The following PITPNB variants were observed in gnomAD, a reference collection of about 807,000 sequenced individuals.
PITPNB encodes the protein phosphatidylinositol transfer protein beta isoform.
PITPNB carries 16 observed loss-of-function variants against 45.9 expected under a neutral mutation model. The ratio of observed to expected loss-of-function variants is 0.35; its 90% CI spans 0.24 to 0.53. The LOEUF (loss-of-function observed/expected upper bound fraction) is 0.53. Ranked by LOEUF, PITPNB falls within the 20% of genes least tolerant of loss-of-function variation. PITPNB has a pLI of 0.93. For missense variants in PITPNB, 188 were observed against 330.5 expected, an observed-to-expected ratio of 0.57 and a Z score of 3.34; for synonymous variants, 112 against 108.9, an observed-to-expected ratio of 1.03 and a Z score of -0.18.
intron 3 of PITPNB, among the ~76,000 whole-genome samples, chr22:27,905,005 A>T (rs1023314991): frequency 3.9e-5 from 6 of 152,278 alleles, no homozygotes; most frequent in Non-Finnish European, 8.8e-5. Flanking sequence ...TATTTTTCAG[A>T]AACAGGATCA....
At chr22:27,894,361 C>T (rs16985690) in intron 7 of PITPNB, 194 bp downstream of exon 7, 10,772 of 401,138 alleles carry the variant, frequency 0.027, 168 homozygotes, top group East Asian at 0.033. Context: ...GAAAACAAAT[C>T]GCCTTCTCTC....
At chr22:27,854,330 TAAAAC>T (rs1436194219) in intron 11 of PITPNB, among the ~76,000 whole-genome samples, 1 of 152,108 alleles carries the variant, frequency 6.6e-6, no homozygotes, top group Non-Finnish European at 1.5e-5. Flanking sequence ...CACCATAAAT[TAAAAC>T]TAAAGTGCAT....
chr22:27,880,696 CACT>C (rs1349310920), intron 7 of PITPNB, among the ~76,000 whole-genome samples: 1 of 151,952 alleles, frequency 6.6e-6, no homozygotes, highest in Non-Finnish European at 1.5e-5. Context: ...GATCTCGGCT[CACT>C]ACAACCTCCG....
At chr22:27,912,891 G>C (rs1208019391) in intron 2 of PITPNB, among the ~76,000 whole-genome samples, 3 of 148,914 alleles carry the variant, frequency 2.0e-5, no homozygotes, top group Non-Finnish European at 4.4e-5. Flanking sequence ...CTGAGGCACG[G>C]AGAATTGCTT....
At chr22:27,881,217 T>C (rs1451417661) in intron 7 of PITPNB, among the ~76,000 whole-genome samples, 1 of 152,168 alleles carries the variant, frequency 6.6e-6, no homozygotes, top group Admixed American at 6.5e-5. Context: ...TGTTTCACAG[T>C]AAAGGCAAGA....
Position 27,910,895 on chromosome 22 carries a change from A to C in PITPNB, c.197+69T>G, listed in dbSNP as rs1041632664. On this transcript the variant is annotated intron_variant, in intron 3 of 11. Coordinates refer to ENST00000335272, the MANE Select transcript of PITPNB (RefSeq NM_012399.5). ...AAATGTACTTCACATCTACTAGTTA[A>C]GTTAGCTAGTTACATGCATCATAAG... 1.3e-5 allele frequency: 14 copies of C among 1,080,966 alleles called. No homozygotes were observed. The Admixed American group carries it at 2.0e-4, about 15-fold the overall frequency. 67.0% of individuals were successfully genotyped at this position (1,080,966 alleles called of 1,614,324 possible).
At chr22:27,910,765 T>G in intron 3 of PITPNB, 199 bp downstream of exon 3, 1 of 481,698 alleles carries the variant, frequency 2.1e-6, no homozygotes, top group Non-Finnish European at 3.7e-6. Context: ...TAAGTTTTTA[T>G]CTGAATTTTT....
At chr22:27,912,634 T>A (rs555152259) in intron 2 of PITPNB, among the ~76,000 whole-genome samples, 1 of 142,060 alleles carries the variant, frequency 7.0e-6, no homozygotes, top group Non-Finnish European at 1.6e-5. Flanking sequence ...TTTTTAAGAA[T>A]AAAAAATTAA....
At chr22:27,909,579 CTA>C (rs1461257654) in intron 3 of PITPNB, among the ~76,000 whole-genome samples, 1 of 152,050 alleles carries the variant, frequency 6.6e-6, no homozygotes, top group Non-Finnish European at 1.5e-5. Context: ...TAACAAGAGA[CTA>C]TCTTTTGTCT....
At position 27,918,832 on chromosome 22, in the gene PITPNB, T is replaced by G. The variant is rs965615785; in HGVS notation, c.20+340A>C. On this transcript the variant is annotated intron_variant, in intron 1 of 11. Coordinates refer to ENST00000335272, the MANE Select transcript of PITPNB (RefSeq NM_012399.5). The stretch of plus-strand genomic sequence containing the variant: ...TGCGGCTCCTTCCCACCGGCGGGCC[T>G]GGGGGTGGGCCCAGACCCAGCCTGG... 9.9e-5 allele frequency among the ~76,000 whole-genome samples: 15 copies of G among 151,504 alleles called. No homozygotes were observed. In the South Asian group the frequency reaches 1.1e-3, roughly 11 times the overall value.
At chr22:27,868,093 C>T (rs5752651) in intron 8 of PITPNB, among the ~76,000 whole-genome samples, 16,346 of 152,116 alleles carry the variant, frequency 0.11, 979 homozygotes, top group South Asian at 0.25. Flanking sequence ...CCTCTTTATG[C>T]CACCCACTAT....
At chr22:27,867,541 T>C (rs1372136626) in intron 8 of PITPNB, among the ~76,000 whole-genome samples, 1 of 152,240 alleles carries the variant, frequency 6.6e-6, no homozygotes, top group Admixed American at 6.5e-5. Flanking sequence ...ACATTTTCCA[T>C]GTTCCTCCAA....
intron 7 of PITPNB, among the ~76,000 whole-genome samples, chr22:27,880,814 G>A (rs904795913): frequency 2.6e-5 from 4 of 152,154 alleles, no homozygotes; most frequent in African/African-American, 4.8e-5. Context: ...TAGAGAGGGG[G>A]TTTCTCCATG....
intron 5 of PITPNB, 58 bp from the exon 6 acceptor site, chr22:27,896,684 C>A (rs181509646): frequency 3.5e-6 from 4 of 1,147,688 alleles, no homozygotes; most frequent in South Asian, 2.5e-5. Flanking sequence ...TTGGTGCCCA[C>A]GTCTGAGGGA....
At position 27,914,708 on chromosome 22, in the gene PITPNB, T is replaced by C. The variant is rs151061462; in HGVS notation, c.21-361A>G. ...CAGGTTGCCCTGACTAAATTTTTAG[T>C]ATGGTTTCATTCTCCACCTATATAC... On this transcript the variant is annotated intron_variant, in intron 1 of 11. Transcript: ENST00000335272. 2.1e-3 allele frequency among the ~76,000 whole-genome samples: 313 copies of C among 152,348 alleles called. 1 individual carries two copies. The highest frequency in any genetic ancestry group is 3.7e-3 in the Admixed American group (56 of 15,308).
chr22:27,877,442 T>C (rs1934851593), intron 7 of PITPNB, among the ~76,000 whole-genome samples: 1 of 152,184 alleles, frequency 6.6e-6, no homozygotes, highest in African/African-American at 2.4e-5. Context: ...AAATATAATA[T>C]GGTAAATAAA....
intron 8 of PITPNB, among the ~76,000 whole-genome samples, chr22:27,861,028 A>G (rs1316423015): frequency 3.6e-5 from 5 of 139,152 alleles, no homozygotes; most frequent in African/African-American, 1.1e-4. Context: ...TTTCTGGAAA[A>G]AAAAAAAAAA....
At chr22:27,916,560 C>CACT (rs759129733) in intron 1 of PITPNB, among the ~76,000 whole-genome samples, 45 of 152,112 alleles carry the variant, frequency 3.0e-4, no homozygotes, top group Non-Finnish European at 5.4e-4. Flanking sequence ...ACCTGTAATC[C>CACT]CAGCACTTAG....
At chr22:27,888,350 G>C (rs1409650947) in intron 7 of PITPNB, among the ~76,000 whole-genome samples, 1 of 152,218 alleles carries the variant, frequency 6.6e-6, no homozygotes, top group East Asian at 1.9e-4. Context: ...CCTAGAAGCA[G>C]AATTTTGCTG....
Sources: allele counts gnomAD v4.1 joint callset (sites outside exome capture counted in the v4.1 genomes callset), GRCh38; gene constraint gnomAD v4.1.1; transcripts MANE v1.5; gene names NCBI Gene and HGNC (gene_info 2026-07-23, HGNC 2026-07-21).